Variants in PRPF6 observed in about 807,000 individuals in gnomAD.
The protein encoded by PRPF6 is pre-mRNA-processing factor 6.
PRPF6 carries 42 observed loss-of-function variants against 118.3 expected under a neutral mutation model. The observed-to-expected ratio is 0.35, with a 90% CI of 0.28 to 0.46. The LOEUF is 0.46. Ranked by LOEUF, PRPF6 falls within the 20% of genes least tolerant of loss-of-function variation. The probability of loss-of-function intolerance (pLI) is 1.00; values close to 1 mark genes in which losing one functional copy is unlikely to be tolerated. For missense variants in PRPF6, 662 were observed against 1,255.7 expected (o/e 0.53, Z 7.15); for synonymous variants, 481 against 485.1 (o/e 0.99, Z 0.11).
At chr20:63,987,203 T>G (rs1601508814) in intron 3 of PRPF6, among the ~76,000 whole-genome samples, 1 of 118,272 alleles carries the variant, frequency 8.5e-6, no homozygotes, top group Non-Finnish European at 1.8e-5. Context: ...GGGGGGAGCA[T>G]AACACAATAA....
At position 64,028,617 on chromosome 20, in the gene PRPF6, A is replaced by AG. The variant is rs767427603; in HGVS notation, c.2431+53dup. ...GTAAGGGGGTGCCCTGACTCCGGTA[A>AG]GGGGGTGCCTTGACTCCGGTAAGGG... On this transcript the variant is annotated intron_variant, in intron 18 of 20. Transcript: ENST00000266079. This position sits in a 1 kb window ranked among gnomAD's most constrained non-coding sequence, Gnocchi z 6.5. The AG allele has an allele frequency of 6.3e-7, 1 of 1,598,292 alleles. No individual in the cohort carries two copies. The highest frequency in any genetic ancestry group is 2.2e-5 in the East Asian group (1 of 44,762).
chr20:64,023,743 C>A (rs2059276116), intron 13 of PRPF6, among the ~76,000 whole-genome samples: 1 of 152,190 alleles, frequency 6.6e-6, no homozygotes, highest in African/African-American at 2.4e-5. Context: ...TCACCTGGGG[C>A]AGTCTGAGTG....
At chr20:64,022,204 G>A (rs993498648) in intron 12 of PRPF6, among the ~76,000 whole-genome samples, 10 of 152,238 alleles carry the variant, frequency 6.6e-5, no homozygotes, top group African/African-American at 2.4e-4. Flanking sequence ...CATGTACACT[G>A]GAGTAAGCAC....
intron 4 of PRPF6, 150 bp from the exon 5 acceptor site, chr20:63,994,766 C>A: frequency 9.7e-7 from 1 of 1,035,214 alleles, no homozygotes; most frequent in Non-Finnish European, 1.4e-6. Flanking sequence ...TGAGACCCAT[C>A]TCAAAACAAA....
intron 14 of PRPF6, among the ~76,000 whole-genome samples, chr20:64,025,577 C>G (rs709013): frequency 0.063 from 9,581 of 152,270 alleles, 319 homozygotes; most frequent in Middle Eastern, 0.12. Flanking sequence ...AGCGAGGTTG[C>G]GTGTGATGAG....
At chr20:64,013,106 A>G (rs1284379011) in intron 11 of PRPF6, among the ~76,000 whole-genome samples, 1 of 152,110 alleles carries the variant, frequency 6.6e-6, no homozygotes, top group African/African-American at 2.4e-5. Flanking sequence ...CTGGGATTAC[A>G]GGCACCCGCC....
rs59045216 is a variant in PRPF6 at position 64,009,279 on chromosome 20, CAAAAAAAAAAAA to C, written c.1187-908_1187-897del. The stretch of plus-strand genomic sequence containing the variant: ...CTGGCGACAGAGCGAGACTCCATCG[CAAAAAAAAAAAA>C]AAAAAAAAAAAAGAGAGGTATTTCA... On this transcript the variant is annotated intron_variant, in intron 9 of 20. Transcript: ENST00000266079. Among the ~76,000 whole-genome samples the C allele has an allele frequency of 5.2e-5, 2 of 38,234 alleles. 1 individual carries two copies. The highest frequency in any genetic ancestry group is 0.04 in the Middle Eastern group (2 of 50). The allele number at this position is 38,234 out of a possible 152,430, so 25.1% of individuals were successfully genotyped here.
chr20:63,991,114 C>T (rs1174094169), intron 3 of PRPF6, among the ~76,000 whole-genome samples: 3 of 152,082 alleles, frequency 2.0e-5, no homozygotes, highest in Admixed American at 6.6e-5. Context: ...TTGGAACCTC[C>T]AGGGTTAATG....
At chr20:63,986,071 C>T (rs959120846) in intron 3 of PRPF6, among the ~76,000 whole-genome samples, 2 of 152,090 alleles carry the variant, frequency 1.3e-5, no homozygotes, top group Non-Finnish European at 2.9e-5. Flanking sequence ...CAGTGGATCA[C>T]GCCTGTAATT....
intron 11 of PRPF6, among the ~76,000 whole-genome samples, chr20:64,014,442 G>A (rs1362197631): frequency 6.6e-6 from 1 of 151,726 alleles, no homozygotes; most frequent in Non-Finnish European, 1.5e-5. Flanking sequence ...ATCACTTGAG[G>A]TCAGGAGTTT....
intron 12 of PRPF6, among the ~76,000 whole-genome samples, chr20:64,020,659 G>T (rs2059258461): frequency 6.6e-6 from 1 of 152,190 alleles, no homozygotes; most frequent in African/African-American, 2.4e-5. Flanking sequence ...AAAGCCTGAA[G>T]AAAATAGAAC....
rs61736634 is a variant in PRPF6 at position 64,027,725 on chromosome 20, C to T, written c.2328C>T (p.Asn776=). The change falls in exon 17 of 21, where the codon AAC becomes AAT. Residue 776 remains asparagine, a synonymous_variant. Transcript: ENST00000266079. This position sits in a 1 kb window ranked among gnomAD's most constrained non-coding sequence, Gnocchi z 6.5. The part of the protein sequence containing the change: ...LEKSRLKNPK[N]PGLWLESVRL... ...AGTCTCGTCTGAAGAACCCAAAGAA[C>T]CCTGGGCTGTGGTGAGTCCTGGAGG... The T allele has an allele frequency of 2.8e-4, 451 of 1,613,778 alleles. No individual in the cohort carries two copies. In the African/African-American group the frequency reaches 5.5e-3, roughly 20 times the overall value.
At chr20:64,009,813 T>A (rs571484983) in intron 9 of PRPF6, among the ~76,000 whole-genome samples, 2 of 152,378 alleles carry the variant, frequency 1.3e-5, no homozygotes, top group African/African-American at 4.8e-5. Flanking sequence ...GCAGTCATGC[T>A]TCTGACTTAT....
chr20:63,995,614 C>CT, intron 6 of PRPF6, 132 bp downstream of exon 6: 1 of 1,081,014 alleles, frequency 9.3e-7, no homozygotes, highest in Admixed American at 2.5e-5. Context: ...TTCTCCTTCT[C>CT]CTTTTTTTTT....
chr20:64,021,181 C>T (rs920169983), intron 12 of PRPF6, among the ~76,000 whole-genome samples: 10 of 152,232 alleles, frequency 6.6e-5, no homozygotes, highest in African/African-American at 2.4e-4. Context: ...GGGCCACAGC[C>T]CTCTGTGTGT....
At chr20:64,000,743 A>G (rs560858258) in intron 8 of PRPF6, among the ~76,000 whole-genome samples, 1 of 151,982 alleles carries the variant, frequency 6.6e-6, no homozygotes, top group South Asian at 2.1e-4. Context: ...TAATTTTTGT[A>G]GTTTTAGTAG....
At position 63,995,005 on chromosome 20, in the gene PRPF6, T is replaced by C. The variant is rs2059135077; in HGVS notation, c.528T>C (p.Tyr176=). The C allele has an allele frequency of 6.2e-7, 1 of 1,613,322 alleles. No individual in the cohort carries two copies. The highest frequency in any genetic ancestry group is 8.5e-7 in the Non-Finnish European group (1 of 1,179,242). Residue 176 remains tyrosine (Y), a synonymous_variant, in exon 5 of 21, where the codon TAT becomes TAC. Transcript: ENST00000266079. ...ATAAACGTCAGCGGAACCCACGCTA[T>C]GAGAAGCTGACCCCTGTTCCTGACA... ...ARNKRQRNPR[Y]EKLTPVPDSF... is the part of the protein sequence containing the mutation.
At chr20:64,004,822 C>T (rs2059182581) in intron 9 of PRPF6, among the ~76,000 whole-genome samples, 1 of 152,238 alleles carries the variant, frequency 6.6e-6, no homozygotes, top group South Asian at 2.1e-4. Context: ...CACTCACATG[C>T]TGTGTACTCC....
chr20:63,989,212 T>A (rs1255273247), intron 3 of PRPF6, among the ~76,000 whole-genome samples: 1 of 152,132 alleles, frequency 6.6e-6, no homozygotes, highest in East Asian at 1.9e-4. Context: ...ACTAGACCCC[T>A]CTCTGTCACC....
Sources: allele counts gnomAD v4.1 joint callset (sites outside exome capture counted in the v4.1 genomes callset), GRCh38; gene constraint gnomAD v4.1.1; non-coding constraint Gnocchi (gnomAD v3.1); transcripts MANE v1.5; gene names NCBI Gene and HGNC (gene_info 2026-07-23, HGNC 2026-07-21).